The following ANKS1B variants were observed in gnomAD, a reference collection of about 807,000 sequenced individuals.
ANKS1B encodes the protein ankyrin repeat and sterile alpha motif domain-containing protein 1B.
Under a neutral mutation model 148.3 loss-of-function variants are expected in ANKS1B, and 36 were observed. That is an observed-to-expected ratio of 0.24 (90% CI 0.19 to 0.32). ANKS1B has a LOEUF of 0.32. ANKS1B is among the 10% of genes least tolerant of loss of function. ANKS1B has a pLI of 1.00. For synonymous variants in ANKS1B, 542 were observed against 560.8 expected (o/e 0.97, Z 0.47); for missense variants, 1,157 against 1,542.6 (o/e 0.75, Z 4.19).
chr12:99,343,932 A>G (rs1449695749), intron 12 of ANKS1B: 1 of 152,064 alleles, frequency 6.6e-6, no homozygotes, highest in Non-Finnish European at 1.5e-5. Context: ...TTCCTGGAGC[A>G]TATAGAACTG....
intron 1 of ANKS1B, among the ~76,000 whole-genome samples, chr12:99,983,122 G>A (rs12815555): frequency 0.1 from 15,466 of 152,202 alleles, 1,120 homozygotes; most frequent in Non-Finnish European, 0.15. Context: ...GTTTTAAGGC[G>A]AAGATATGAA....
intron 14 of ANKS1B, among the ~76,000 whole-genome samples, chr12:99,202,019 A>G (rs2082128632): frequency 6.6e-6 from 1 of 152,200 alleles, no homozygotes; most frequent in Non-Finnish European, 1.5e-5. Context: ...AATAAAAGAA[A>G]AATTTTAATT....
intron 10 of ANKS1B, among the ~76,000 whole-genome samples, chr12:99,458,222 T>C (rs1415414602): frequency 5.9e-5 from 9 of 151,858 alleles, no homozygotes; most frequent in Non-Finnish European, 1.2e-4. Context: ...AAATTTACAC[T>C]GAACAATAAT....
intron 9 of ANKS1B, among the ~76,000 whole-genome samples, chr12:99,646,476 T>A (rs2098366252): frequency 6.6e-6 from 1 of 151,588 alleles, no homozygotes; most frequent in Admixed American, 6.6e-5. Context: ...AGCAATATGG[T>A]GAAACCCCAT....
chr12:99,427,737 TA>T (rs1182178524), intron 11 of ANKS1B, among the ~76,000 whole-genome samples: 2 of 152,130 alleles, frequency 1.3e-5, no homozygotes, highest in Admixed American at 1.3e-4. Flanking sequence ...ACTTAGCAAA[TA>T]TGAGTAAAAC....
chr12:99,463,167 C>T (rs892747884), intron 10 of ANKS1B, among the ~76,000 whole-genome samples: 2 of 152,180 alleles, frequency 1.3e-5, no homozygotes, highest in Admixed American at 6.5e-5. Flanking sequence ...AAGAAAAGTA[C>T]AAATAAATGT....
At chr12:98,778,936 G>A (rs2098707367) in intron 24 of ANKS1B, among the ~76,000 whole-genome samples, 1 of 152,140 alleles carries the variant, frequency 6.6e-6, no homozygotes, top group East Asian at 1.9e-4. Context: ...AGGTCACTGG[G>A]ATGTGGACCC....
At chr12:98,920,188 T>C (rs1459848410) in intron 17 of ANKS1B, among the ~76,000 whole-genome samples, 5 of 152,248 alleles carry the variant, frequency 3.3e-5, no homozygotes, top group Non-Finnish European at 5.9e-5. Flanking sequence ...ACTCTTCACA[T>C]GGCATTCTCT....
intron 14 of ANKS1B, among the ~76,000 whole-genome samples, chr12:99,168,615 G>C (rs2077434431): frequency 6.6e-6 from 1 of 152,010 alleles, no homozygotes; most frequent in South Asian, 2.1e-4. Context: ...AATAATCAGA[G>C]AATGACTCTC....
intron 4 of ANKS1B, among the ~76,000 whole-genome samples, chr12:99,805,262 G>GAAAAAAAAAAAAAA (rs1567880890): frequency 2.4e-4 from 2 of 8,306 alleles, no homozygotes; most frequent in African/African-American, 1.2e-3. Flanking sequence ...GGAGGAAAAG[G>GAAAAAAAAAAAAAA]CAAAAAAAAA....
At chr12:99,074,138 T>G (rs1417152598) in intron 16 of ANKS1B, among the ~76,000 whole-genome samples, 2 of 152,186 alleles carry the variant, frequency 1.3e-5, no homozygotes, top group Non-Finnish European at 2.9e-5. Flanking sequence ...AGGGAGCCAC[T>G]GTTCTTTATT....
intron 10 of ANKS1B, among the ~76,000 whole-genome samples, chr12:99,451,755 G>A (rs2095740847): frequency 6.6e-6 from 1 of 151,712 alleles, no homozygotes; most frequent in Non-Finnish European, 1.5e-5. Context: ...TTCACATAGT[G>A]TTACAAAGAC....
intron 17 of ANKS1B, among the ~76,000 whole-genome samples, chr12:98,937,338 G>A (rs961518180): frequency 7.9e-5 from 12 of 151,934 alleles, no homozygotes; most frequent in African/African-American, 2.9e-4. Context: ...TGATAAAAAT[G>A]TCGAGGGCCT....
At chr12:98,933,241 T>C (rs1371694151) in intron 17 of ANKS1B, among the ~76,000 whole-genome samples, 4 of 152,200 alleles carry the variant, frequency 2.6e-5, no homozygotes, top group Non-Finnish European at 5.9e-5. Context: ...TTATGTAGTA[T>C]TTGAATTTCT....
At chr12:99,596,834 A>C (rs991993462) in intron 9 of ANKS1B, among the ~76,000 whole-genome samples, 1 of 151,956 alleles carries the variant, frequency 6.6e-6, no homozygotes, top group African/African-American at 2.4e-5. Context: ...AGGATAGGGC[A>C]AAAAAGAGAA....
At chr12:99,233,304 G>C (rs984863909) in intron 14 of ANKS1B, among the ~76,000 whole-genome samples, 3 of 152,062 alleles carry the variant, frequency 2.0e-5, no homozygotes, top group Admixed American at 1.3e-4. Context: ...CAGTCTTATA[G>C]GGTGGTTATT....
chr12:99,855,494 G>T (rs1242261367), intron 1 of ANKS1B, among the ~76,000 whole-genome samples: 1 of 152,058 alleles, frequency 6.6e-6, no homozygotes, highest in Non-Finnish European at 1.5e-5. Context: ...GACAGCACTA[G>T]ACAAACCATT....
chr12:99,748,420 T>A lies in ANKS1B; in HGVS notation c.1128+24502A>T, dbSNP rs182152641. ...CTTGAGAACTATCTGAAGAGATTTT[T>A]TTTTTTAGATTTTCAGAAAAATATT... On this transcript the variant is annotated intron_variant, in intron 8 of 26. Transcript: ENST00000683438. Among the ~76,000 whole-genome samples, 36 of 152,138 alleles carry A rather than the reference T, an allele frequency of 2.4e-4. No homozygotes were observed. The East Asian group carries it at 6.9e-3, about 29-fold the overall frequency.
intron 1 of ANKS1B, among the ~76,000 whole-genome samples, chr12:99,958,955 G>A (rs1038653733): frequency 3.9e-5 from 6 of 152,114 alleles, no homozygotes; most frequent in Non-Finnish European, 7.3e-5. Context: ...ATAGGACACC[G>A]GGGATAACAT....
Sources: gnomAD v4.1 joint callset for allele counts (sites outside exome capture counted in the v4.1 genomes callset) on GRCh38, gnomAD v4.1.1 for gene constraint, MANE v1.5 for transcripts, NCBI Gene and HGNC (gene_info 2026-07-23, HGNC 2026-07-21) for gene names.